EPB41L2: variants seen among roughly 807,000 people sequenced by gnomAD.
EPB41L2 encodes erythrocyte membrane protein band 4.1 like 2.
Under a neutral mutation model 113.0 loss-of-function variants are expected in EPB41L2, and 43 were observed. That is an observed-to-expected ratio of 0.38 (90% CI 0.30 to 0.49). EPB41L2 has a LOEUF of 0.49. Ranked by LOEUF, EPB41L2 falls within the 20% of genes least tolerant of loss-of-function variation. The pLI is 0.95. For synonymous variants in EPB41L2, 442 were observed against 436.7 expected (o/e 1.01, Z -0.15); for missense variants, 1,147 against 1,223.4 (o/e 0.94, Z 0.93).
At chr6:130,908,732 T>C (rs968563746) in intron 5 of EPB41L2, 89 bp downstream of exon 5, 26 of 1,024,110 alleles carry the variant, frequency 2.5e-5, no homozygotes, top group African/African-American at 1.3e-4. Flanking sequence ...AAATGCAAAA[T>C]AGAACTGACC....
chr6:130,963,338 C>A (rs938970220), intron 1 of EPB41L2, among the ~76,000 whole-genome samples: 14 of 152,182 alleles, frequency 9.2e-5, no homozygotes, highest in African/African-American at 3.1e-4. Context: ...TTACAACCCT[C>A]ATAACTAAGA....
intron 14 of EPB41L2, among the ~76,000 whole-genome samples, chr6:130,870,925 T>C (rs538723573): frequency 9.8e-5 from 15 of 152,310 alleles, no homozygotes; most frequent in Non-Finnish European, 1.9e-4. Context: ...TTCCAATTCG[T>C]ATCATAGGTT....
chr6:131,048,344 T>C (rs1449659753), intron 1 of EPB41L2, among the ~76,000 whole-genome samples: 3 of 152,204 alleles, frequency 2.0e-5, no homozygotes, highest in African/African-American at 7.2e-5. Flanking sequence ...TTTATGTTCC[T>C]TGTTTTTAGC....
At chr6:130,859,099 A>T (rs1054927549) in intron 18 of EPB41L2, among the ~76,000 whole-genome samples, 4 of 152,256 alleles carry the variant, frequency 2.6e-5, no homozygotes, top group African/African-American at 7.2e-5. Context: ...GTAAACTGTA[A>T]GAGTGTTGTG....
At position 130,981,725 on chromosome 6, in the gene EPB41L2, T is replaced by C. The variant is rs577447396; in HGVS notation, c.-14-25226A>G. On this transcript the variant is annotated intron_variant, in intron 1 of 19. Transcript: ENST00000337057. ...AGCAGAGCTATTTTTCCCTACAAAC[T>C]GTTTAGTGGAACTGTCTTCTACTGA... is the stretch of plus-strand genomic sequence containing the variant. Among the ~76,000 whole-genome samples the C allele has an allele frequency of 2.6e-5, 4 of 152,234 alleles. No homozygotes were observed. In the East Asian group the frequency reaches 7.7e-4, roughly 29 times the overall value.
intron 14 of EPB41L2, among the ~76,000 whole-genome samples, chr6:130,870,968 T>C (rs951344864): frequency 6.6e-6 from 1 of 152,128 alleles, no homozygotes; most frequent in Non-Finnish European, 1.5e-5. Context: ...AGGGTGGGTG[T>C]CAATGGTGAC....
At chr6:130,995,633 G>C (rs752247509) in intron 1 of EPB41L2, among the ~76,000 whole-genome samples, 65 of 152,340 alleles carry the variant, frequency 4.3e-4, no homozygotes, top group Non-Finnish European at 3.2e-4. Context: ...TTTCTAAATT[G>C]ACTGAGACCT....
intron 4 of EPB41L2, among the ~76,000 whole-genome samples, chr6:130,926,374 A>C (rs2128552487): frequency 6.6e-6 from 1 of 152,342 alleles, no homozygotes; most frequent in South Asian, 2.1e-4. Flanking sequence ...TCATGATGTA[A>C]GTGCAAAGCA....
At chr6:131,013,249 A>ATAT (rs1554335577) in intron 1 of EPB41L2, among the ~76,000 whole-genome samples, 1 of 141,878 alleles carries the variant, frequency 7.0e-6, no homozygotes, top group Admixed American at 7.1e-5. Flanking sequence ...GAAAAAAAAA[A>ATAT]ATATATATAT....
chr6:131,051,757 G>A (rs1796606629), intron 1 of EPB41L2, among the ~76,000 whole-genome samples: 1 of 152,074 alleles, frequency 6.6e-6, no homozygotes, highest in African/African-American at 2.4e-5. Context: ...TGAAGGGAAG[G>A]TAATCACTAA....
chr6:130,946,046 A>G (rs1193159048), intron 3 of EPB41L2, among the ~76,000 whole-genome samples: 1 of 152,238 alleles, frequency 6.6e-6, no homozygotes, highest in Non-Finnish European at 1.5e-5. Flanking sequence ...AAAAAAATCA[A>G]GTTATAAAGT....
At chr6:130,896,602 G>A (rs989670407) in intron 8 of EPB41L2, among the ~76,000 whole-genome samples, 2 of 152,208 alleles carry the variant, frequency 1.3e-5, no homozygotes, top group African/African-American at 2.4e-5. Context: ...TAGACACAAC[G>A]CAGATTCAAG....
At chr6:130,898,412 C>A (rs938010714) in intron 8 of EPB41L2, among the ~76,000 whole-genome samples, 2 of 152,100 alleles carry the variant, frequency 1.3e-5, no homozygotes, top group Non-Finnish European at 2.9e-5. Flanking sequence ...TAAACAACAT[C>A]TACAGATTGG....
chr6:131,040,026 T>C (rs1794127806), intron 1 of EPB41L2, among the ~76,000 whole-genome samples: 1 of 152,124 alleles, frequency 6.6e-6, no homozygotes, highest in South Asian at 2.1e-4. Flanking sequence ...ATTGAAGAAA[T>C]AATAAAACTT....
At chr6:130,857,250 T>C (rs558036950) in intron 19 of EPB41L2, among the ~76,000 whole-genome samples, 2 of 152,338 alleles carry the variant, frequency 1.3e-5, no homozygotes, top group Admixed American at 6.5e-5. Context: ...GAGTTTTTAG[T>C]ATGCATTGAT....
intron 1 of EPB41L2, among the ~76,000 whole-genome samples, chr6:130,966,592 A>AT (rs1775264631): frequency 6.6e-6 from 1 of 152,214 alleles, no homozygotes; most frequent in Non-Finnish European, 1.5e-5. Flanking sequence ...AACAACAGTG[A>AT]TTATGGGGAA....
In EPB41L2 at chr6:130,908,842, C is replaced by T. The variant is rs1798481018; in HGVS notation, c.832G>A (p.Glu278Lys). ...TTACTTCTCAGTTGTCTCTTTATTT[C>T]TTTAGCAGGATCTAACCAGTTCTGC... Reference protein sequence around the residue: ...EQKNWLDPAKEIKRQLRNLPW... With the variant: ...EQKNWLDPAKKIKRQLRNLPW... The change falls in exon 5 of 20, where the codon GAA (glutamate) becomes AAA (lysine). Residue 278 changes from glutamate (E) to lysine (K), a missense_variant. Glu to Lys is a moderately conservative substitution (Grantham distance 56). Coordinates refer to ENST00000337057, the MANE Select transcript of EPB41L2 (RefSeq NM_001431.4). 3 of 1,604,056 alleles carry T rather than the reference C, an allele frequency of 1.9e-6. No homozygotes were observed. The Admixed American group carries it at 5.1e-5, about 27-fold the overall frequency.
intron 3 of EPB41L2, among the ~76,000 whole-genome samples, chr6:130,938,308 T>C (rs886322846): frequency 3.3e-5 from 5 of 152,244 alleles, no homozygotes; most frequent in African/African-American, 1.2e-4. Context: ...AGTGTTTCTA[T>C]TCAATTTGAC....
chr6:130,921,229 A>G (rs1211262025), intron 4 of EPB41L2, among the ~76,000 whole-genome samples: 3 of 152,056 alleles, frequency 2.0e-5, no homozygotes, highest in African/African-American at 4.8e-5. Context: ...GCTCCACACC[A>G]TCAACAGGTT....
Sources: gnomAD v4.1 joint callset for allele counts (sites outside exome capture counted in the v4.1 genomes callset) on GRCh38, gnomAD v4.1.1 for gene constraint, MANE v1.5 for transcripts, NCBI Gene and HGNC (gene_info 2026-07-23, HGNC 2026-07-21) for gene names.